The following GPR158 variants were observed in gnomAD, a reference collection of about 807,000 sequenced individuals.
The protein encoded by GPR158 is G protein-coupled receptor 158.
Under a neutral mutation model 78.2 loss-of-function variants are expected in GPR158, and 30 were observed. The ratio of observed to expected loss-of-function variants is 0.38; its 90% CI spans 0.29 to 0.52. The LOEUF (loss-of-function observed/expected upper bound fraction) is 0.52, where lower values mean the gene tolerates loss of function less well. Among genes scored for constraint, GPR158 ranks in the 20% least tolerant of loss-of-function variants. The probability of loss-of-function intolerance (pLI) is 0.83; values close to 1 mark genes in which losing one functional copy is unlikely to be tolerated. For synonymous variants in GPR158, 581 were observed against 591.1 expected (o/e 0.98, Z 0.25); for missense variants, 1,463 against 1,523.5 (o/e 0.96, Z 0.66).
At chr10:25,208,720 A>G (rs769937237) in intron 1 of GPR158, among the ~76,000 whole-genome samples, 15 of 152,086 alleles carry the variant, frequency 9.9e-5, no homozygotes, top group Admixed American at 3.3e-4. Context: ...CAAACTGTCA[A>G]ATTAGGTAGG....
chr10:25,350,064 A>G (rs1394328691), intron 2 of GPR158, among the ~76,000 whole-genome samples: 1 of 151,836 alleles, frequency 6.6e-6, no homozygotes, highest in African/African-American at 2.4e-5. Context: ...ATGGAGTGCT[A>G]GGGGGATAGG....
rs11014614 is a variant in GPR158, at chr10:25,570,352, A to C, written c.1515-2297A>C. Among the ~76,000 whole-genome samples, 1,160 of 152,318 alleles carry C rather than the reference A, an allele frequency of 7.6e-3. 24 individuals are homozygous for C. Among genetic ancestry groups the C allele is most frequent in the African/African-American group, 0.027 (1,120 of 41,564 alleles). Reference sequence around the variant, plus strand: ...GATACTGTAATTTAAAACACAAATAATTACTCACCAGTCTTTTTGAAATAA... The same window carrying C: ...GATACTGTAATTTAAAACACAAATACTTACTCACCAGTCTTTTTGAAATAA... On this transcript the variant is annotated intron_variant, in intron 6 of 10. Coordinates refer to ENST00000376351, the MANE Select transcript of GPR158 (RefSeq NM_020752.3).
intron 2 of GPR158, among the ~76,000 whole-genome samples, chr10:25,307,688 T>A (rs1311292643): frequency 6.6e-6 from 1 of 152,210 alleles, no homozygotes; most frequent in Non-Finnish European, 1.5e-5. Flanking sequence ...TTGAATATTC[T>A]ACTCAATAAT....
chr10:25,209,730 T>TTAAG (rs1480713515), intron 1 of GPR158, among the ~76,000 whole-genome samples: 1 of 152,242 alleles, frequency 6.6e-6, no homozygotes, highest in Non-Finnish European at 1.5e-5. Flanking sequence ...GGCTTGTGAC[T>TTAAG]TAAGTTTTAA....
intron 5 of GPR158, among the ~76,000 whole-genome samples, chr10:25,474,240 A>G (rs539183616): frequency 6.6e-6 from 1 of 152,216 alleles, no homozygotes; most frequent in South Asian, 2.1e-4. Context: ...TTAGTTCCTT[A>G]AGACTCATTT....
chr10:25,428,201 A>G (rs1174119151), intron 4 of GPR158, among the ~76,000 whole-genome samples: 2 of 152,090 alleles, frequency 1.3e-5, no homozygotes, highest in Non-Finnish European at 2.9e-5. Flanking sequence ...TCTATTGAAC[A>G]GTACTACTAT....
At chr10:25,431,752 C>T (rs1055803908) in intron 4 of GPR158, among the ~76,000 whole-genome samples, 17 of 152,098 alleles carry the variant, frequency 1.1e-4, no homozygotes, top group African/African-American at 2.9e-4. Context: ...AGTAAACTAT[C>T]GCAAGAACAA....
intron 1 of GPR158, among the ~76,000 whole-genome samples, chr10:25,186,795 C>A (rs1852693843): frequency 6.6e-6 from 1 of 152,062 alleles, no homozygotes; most frequent in Non-Finnish European, 1.5e-5. Context: ...ACCAGAGGTA[C>A]AAGGAGGAGC....
Position 25,572,776 on chromosome 10 carries a change from G to C in GPR158, c.1642G>C (p.Val548Leu). ...GTTTCTCATTGGCTGGACTTCATCT[G>C]TGTGCCAGAATTTGGAGAAACAGAT... Reference protein sequence around the residue: ...FWFLIGWTSSVCQNLEKQISL... With the variant: ...FWFLIGWTSSLCQNLEKQISL... The change falls in exon 7 of 11, where the codon GTG becomes CTG. Residue 548 changes from valine (V) to leucine (L), a missense_variant. Physicochemically the swap from Val to Leu is conservative, Grantham distance 32. Coordinates refer to ENST00000376351, the MANE Select transcript of GPR158 (RefSeq NM_020752.3). The C allele has an allele frequency of 1.9e-6, 3 of 1,613,674 alleles. 1 individual carries two copies. Among genetic ancestry groups the C allele is most frequent in the Middle Eastern group, 3.3e-4 (2 of 6,062 alleles).
At chr10:25,304,488 C>T (rs1455180474) in intron 2 of GPR158, among the ~76,000 whole-genome samples, 1 of 152,072 alleles carries the variant, frequency 6.6e-6, no homozygotes, top group Non-Finnish European at 1.5e-5. Flanking sequence ...GCCACCTAAT[C>T]TCTCAGTGCC....
intron 2 of GPR158, among the ~76,000 whole-genome samples, chr10:25,314,769 A>T (rs915511494): frequency 2.7e-5 from 4 of 149,078 alleles, no homozygotes; most frequent in African/African-American, 9.9e-5. Context: ...TATAAATTGT[A>T]TATATATAAA....
chr10:25,277,155 T>A (rs1054422004), intron 2 of GPR158, among the ~76,000 whole-genome samples: 1 of 152,060 alleles, frequency 6.6e-6, no homozygotes, highest in African/African-American at 2.4e-5. Context: ...CTTACCATGT[T>A]GCCCAGGCTG....
intron 1 of GPR158, among the ~76,000 whole-genome samples, chr10:25,215,329 A>G (rs768018455): frequency 1.1e-4 from 16 of 152,242 alleles, no homozygotes; most frequent in Non-Finnish European, 1.9e-4. Flanking sequence ...TCATAGAGAC[A>G]GAAAGTAGAA....
At chr10:25,430,118 T>C (rs1834880292) in intron 4 of GPR158, among the ~76,000 whole-genome samples, 1 of 151,798 alleles carries the variant, frequency 6.6e-6, no homozygotes, top group African/African-American at 2.4e-5. Context: ...AACCCCACTG[T>C]CTCAGCCCAA....
chr10:25,443,241 A>G (rs966023592), intron 4 of GPR158, among the ~76,000 whole-genome samples: 35 of 152,120 alleles, frequency 2.3e-4, no homozygotes, highest in Admixed American at 9.8e-4. Context: ...AGGTACTGCC[A>G]TGCTTGGCTA....
intron 4 of GPR158, among the ~76,000 whole-genome samples, chr10:25,441,547 A>G (rs551831913): frequency 3.5e-4 from 54 of 152,286 alleles, no homozygotes; most frequent in Non-Finnish European, 6.0e-4. Flanking sequence ...TATGCAATCA[A>G]TTTCAAAATC....
chr10:25,453,878 T>C (rs1835256230), intron 4 of GPR158, among the ~76,000 whole-genome samples: 1 of 152,234 alleles, frequency 6.6e-6, no homozygotes, highest in Admixed American at 6.5e-5. Flanking sequence ...CCTCCAACTT[T>C]GTTCTTTTGA....
intron 1 of GPR158, among the ~76,000 whole-genome samples, chr10:25,184,135 G>A (rs1278785100): frequency 6.6e-6 from 1 of 152,168 alleles, no homozygotes; most frequent in Non-Finnish European, 1.5e-5. Context: ...TTACCAACTT[G>A]CAGCAAAATA....
intron 1 of GPR158, among the ~76,000 whole-genome samples, chr10:25,205,060 T>A (rs1411156095): frequency 1.3e-5 from 2 of 152,130 alleles, no homozygotes; most frequent in African/African-American, 4.8e-5. Flanking sequence ...TTTCACTTAG[T>A]TCTCATTCTC....
Sources: gnomAD v4.1 joint callset for allele counts (sites outside exome capture counted in the v4.1 genomes callset) on GRCh38, gnomAD v4.1.1 for gene constraint, MANE v1.5 for transcripts, NCBI Gene and HGNC (gene_info 2026-07-23, HGNC 2026-07-21) for gene names.